The following FGF14 variants were observed in gnomAD, a reference collection of about 807,000 sequenced individuals.
The protein encoded by FGF14 is fibroblast growth factor 14.
A neutral mutation model predicts 25.5 loss-of-function variants in FGF14; 5 were observed. The observed-to-expected ratio is 0.20, with a 90% CI of 0.10 to 0.41. The LOEUF (loss-of-function observed/expected upper bound fraction) is 0.41, where lower values mean the gene tolerates loss of function less well. Ranked by LOEUF, FGF14 falls within the 10% of genes least tolerant of loss-of-function variation. The probability of loss-of-function intolerance (pLI) is 1.00; values close to 1 mark genes in which losing one functional copy is unlikely to be tolerated. For missense variants in FGF14, 222 were observed against 320.1 expected (o/e 0.69, Z 2.34); for synonymous variants, 138 against 118.3 (o/e 1.17, Z -1.08).
intron 1 of FGF14, among the ~76,000 whole-genome samples, chr13:101,975,168 C>G (rs1339795831): frequency 6.6e-6 from 1 of 152,108 alleles, no homozygotes; most frequent in African/African-American, 2.4e-5. Flanking sequence ...CAGACAGAAG[C>G]CCAAACTCCA....
intron 1 of FGF14, among the ~76,000 whole-genome samples, chr13:102,393,419 C>G (rs2058482532): frequency 6.6e-6 from 1 of 151,892 alleles, no homozygotes; most frequent in Admixed American, 6.6e-5. Context: ...GCACGTGGAC[C>G]TAAAAGAAAT....
intron 1 of FGF14, among the ~76,000 whole-genome samples, chr13:102,125,355 G>GT (rs1299146671): frequency 6.6e-6 from 1 of 152,054 alleles, no homozygotes; most frequent in Non-Finnish European, 1.5e-5. Flanking sequence ...ATAGAAAACC[G>GT]TAAGAGTCAC....
At chr13:102,368,628 G>A (rs1454905823) in intron 1 of FGF14, among the ~76,000 whole-genome samples, 3 of 152,132 alleles carry the variant, frequency 2.0e-5, no homozygotes, top group African/African-American at 4.8e-5. Context: ...ATTGAATGCA[G>A]CTGCATGACA....
chr13:101,745,455 G>T (rs958143492), intron 3 of FGF14, among the ~76,000 whole-genome samples: 6 of 151,972 alleles, frequency 3.9e-5, no homozygotes, highest in Admixed American at 1.3e-4. Flanking sequence ...TACTATTATA[G>T]TATCACAAAG....
chr13:102,388,540 T>C (rs1271413562), intron 1 of FGF14, among the ~76,000 whole-genome samples: 1 of 152,190 alleles, frequency 6.6e-6, no homozygotes, highest in East Asian at 1.9e-4. Flanking sequence ...CACGCATCCT[T>C]CCAGGTTCCA....
intron 1 of FGF14, among the ~76,000 whole-genome samples, chr13:102,360,457 G>T (rs2057534017): frequency 2.0e-5 from 3 of 152,092 alleles, no homozygotes; most frequent in Admixed American, 2.0e-4. Context: ...GGTAGAGCAG[G>T]TTAAAAAGAA....
intron 3 of FGF14, among the ~76,000 whole-genome samples, chr13:101,737,809 A>T (rs2036288357): frequency 1.3e-5 from 2 of 152,120 alleles, no homozygotes; most frequent in Non-Finnish European, 2.9e-5. Flanking sequence ...TTTCAACCAC[A>T]TTTTAAATTA....
chr13:101,866,196 C>G (rs1045717259), intron 3 of FGF14, among the ~76,000 whole-genome samples: 1 of 152,028 alleles, frequency 6.6e-6, no homozygotes, highest in Non-Finnish European at 1.5e-5. Flanking sequence ...AATTATACTT[C>G]TCAATAATTG....
At chr13:102,286,899 T>C (rs1009466594) in intron 1 of FGF14, among the ~76,000 whole-genome samples, 11 of 152,146 alleles carry the variant, frequency 7.2e-5, no homozygotes, top group African/African-American at 2.4e-4. Flanking sequence ...CTAGTGAGAA[T>C]ACATTGCATC....
intron 1 of FGF14, among the ~76,000 whole-genome samples, chr13:102,271,510 TCA>T (rs149069058): frequency 0.27 from 41,179 of 151,908 alleles, 5,908 homozygotes; most frequent in Admixed American, 0.39. Context: ...GAAGCTAAAA[TCA>T]AATATTATTT....
intron 1 of FGF14, among the ~76,000 whole-genome samples, chr13:102,056,641 G>A (rs1045058517): frequency 2.0e-5 from 3 of 151,946 alleles, no homozygotes; most frequent in East Asian, 3.9e-4. Context: ...GAAACATTTC[G>A]TAATATTAAA....
intron 1 of FGF14, among the ~76,000 whole-genome samples, chr13:102,368,680 AT>A (rs1333458258): frequency 6.6e-6 from 1 of 152,228 alleles, no homozygotes; most frequent in Non-Finnish European, 1.5e-5. Context: ...CCTGACAATA[AT>A]GCCATGATTT....
At chr13:102,260,257 A>G (rs1566874090) in intron 1 of FGF14, among the ~76,000 whole-genome samples, 1 of 152,266 alleles carries the variant, frequency 6.6e-6, no homozygotes, top group East Asian at 1.9e-4. Flanking sequence ...ATTTATATCT[A>G]AAGTTAAAAC....
intron 1 of FGF14, among the ~76,000 whole-genome samples, chr13:102,086,621 AAAC>A (rs1326251738): frequency 6.6e-6 from 1 of 152,210 alleles, no homozygotes; most frequent in Non-Finnish European, 1.5e-5. Context: ...AATTTTTATG[AAAC>A]AACAAAAAAC....
intron 1 of FGF14, among the ~76,000 whole-genome samples, chr13:102,051,955 T>A (rs563811155): frequency 6.6e-6 from 1 of 152,284 alleles, no homozygotes; most frequent in African/African-American, 2.4e-5. Context: ...AAATTCACAA[T>A]AATTGTTTTA....
At chr13:102,207,550 T>TC (rs2049980265) in intron 1 of FGF14, among the ~76,000 whole-genome samples, 1 of 147,994 alleles carries the variant, frequency 6.8e-6, no homozygotes, top group Admixed American at 6.7e-5. Flanking sequence ...ATGCTGGTCT[T>TC]GAAAAAAAAA....
At chr13:102,128,684 G>A (rs1387273621) in intron 1 of FGF14, among the ~76,000 whole-genome samples, 1 of 152,182 alleles carries the variant, frequency 6.6e-6, no homozygotes, top group Non-Finnish European at 1.5e-5. Flanking sequence ...GCAAACGTAT[G>A]TGAAAAAGTG....
intron 1 of FGF14, among the ~76,000 whole-genome samples, chr13:101,939,233 A>G (rs531925013): frequency 6.6e-6 from 1 of 152,330 alleles, no homozygotes; most frequent in African/African-American, 2.4e-5. Context: ...GTTCAATACA[A>G]TCTGTGCGTT....
At chr13:102,186,401 T>C (rs1297793794) in intron 1 of FGF14, among the ~76,000 whole-genome samples, 4 of 152,164 alleles carry the variant, frequency 2.6e-5, no homozygotes, top group Admixed American at 2.6e-4. Context: ...ACAATATTAA[T>C]ATATGCCACT....
Sources: allele counts gnomAD v4.1 joint callset (sites outside exome capture counted in the v4.1 genomes callset), GRCh38; gene constraint gnomAD v4.1.1; transcripts MANE v1.5; gene names NCBI Gene and HGNC (gene_info 2026-07-23, HGNC 2026-07-21).